The following COL5A2 variants were observed in gnomAD, a reference collection of about 807,000 sequenced individuals.
The protein encoded by COL5A2 is collagen type V alpha 2 chain, also known as collagen alpha-2(V) chain.
A neutral mutation model predicts 208.2 loss-of-function variants in COL5A2; 23 were observed. The observed-to-expected ratio is 0.11, with a 90% CI of 0.08 to 0.16. COL5A2 has a LOEUF of 0.16. COL5A2 is among the 10% of genes least tolerant of loss of function. The pLI, the probability that COL5A2 is intolerant of heterozygous loss-of-function variation, is 1.00. For missense variants in COL5A2, 1,590 were observed against 1,956.4 expected, an observed-to-expected ratio of 0.81 and a Z score of 3.53; for synonymous variants, 625 against 628.5, an observed-to-expected ratio of 0.99 and a Z score of 0.08.
chr2:189,085,284 A>G (rs1686631688), intron 10 of COL5A2, 71 bp from the exon 11 acceptor site: 1 of 1,185,948 alleles, frequency 8.4e-7, no homozygotes, highest in African/African-American at 1.5e-5. Flanking sequence ...AATTCAAAAC[A>G]TTATTGAGAC....
chr2:189,182,680 T>C (rs1363711218), upstream of COL5A2, among the ~76,000 whole-genome samples: 3 of 152,142 alleles, frequency 2.0e-5, no homozygotes, highest in Admixed American at 1.3e-4. Context: ...AAACAAATAA[T>C]AAAAATCAAA....
chr2:189,196,758 T>A (rs879712249), intron 1 of COL5A2, among the ~76,000 whole-genome samples: 2 of 152,088 alleles, frequency 1.3e-5, no homozygotes, highest in African/African-American at 4.8e-5. Flanking sequence ...TACCATCTCA[T>A]GACAGTCAGA....
intron 16 of COL5A2, among the ~76,000 whole-genome samples, chr2:189,075,713 T>C (rs1450931663): frequency 6.6e-6 from 1 of 152,192 alleles, no homozygotes; most frequent in Non-Finnish European, 1.5e-5. Flanking sequence ...ATGTATCATC[T>C]TCTAACATAT....
At chr2:189,315,025 C>A in the COL5A2 span, among the ~76,000 whole-genome samples, 2 of 152,128 alleles carry the variant, frequency 1.3e-5, no homozygotes, top group Admixed American at 1.3e-4. Context: ...AGTACCATTC[C>A]CTTTGCAACT....
intron 40 of COL5A2, among the ~76,000 whole-genome samples, chr2:189,052,528 T>C (rs942787648): frequency 1.3e-5 from 2 of 152,202 alleles, no homozygotes; most frequent in Non-Finnish European, 2.9e-5. Flanking sequence ...AGGTAGTATG[T>C]TACTTACATT....
the COL5A2 span, among the ~76,000 whole-genome samples, chr2:189,357,624 C>T: frequency 1.3e-5 from 2 of 152,152 alleles, no homozygotes; most frequent in Non-Finnish European, 2.9e-5. Flanking sequence ...GCAAGAATTT[C>T]AAGCCAGTGG....
intron 1 of COL5A2, among the ~76,000 whole-genome samples, chr2:189,125,252 A>T (rs1490728771): frequency 7.2e-5 from 11 of 152,198 alleles, no homozygotes. Flanking sequence ...GAATAAGGCC[A>T]TTCACAGTAT....
At chr2:189,341,239 A>G in the COL5A2 span, among the ~76,000 whole-genome samples, 1 of 152,174 alleles carries the variant, frequency 6.6e-6, no homozygotes, top group African/African-American at 2.4e-5. Flanking sequence ...ACTAACATGT[A>G]GAGTCACTAA....
At chr2:189,110,568 G>T in intron 1 of COL5A2, 119 bp from the exon 2 acceptor site, 4 of 784,524 alleles carry the variant, frequency 5.1e-6, no homozygotes, top group South Asian at 1.5e-5. Context: ...CTTCCAAGGA[G>T]CCAAACACAG....
Position 189,042,737 on chromosome 2 carries a change from C to T in COL5A2, c.3508G>A (p.Gly1170Arg). ...TTACTTACTCTTGGGCCAAATGGTC[C>T]AGGGATTCCAGCACTTCCTTGTTCA... ...NGEQGSAGIP[G>R]PFGPRGPPGP... Residue 1170 changes from glycine (G) to arginine (R), a missense_variant, in exon 49 of 54, where the codon GGA becomes AGA. Coordinates refer to ENST00000374866, the MANE Select transcript of COL5A2 (RefSeq NM_000393.5). The T allele has an allele frequency of 6.2e-7, 1 of 1,607,924 alleles. No individual in the cohort carries two copies. Among genetic ancestry groups the T allele is most frequent in the Non-Finnish European group, 8.5e-7 (1 of 1,176,498 alleles).
rs1164860745 is a variant in COL5A2 at position 189,039,798 on chromosome 2, G to A, written c.3634-235C>T. Among the ~76,000 whole-genome samples, 4 of 151,828 alleles carry A rather than the reference G, an allele frequency of 2.6e-5. No homozygotes were observed. In the East Asian group the frequency reaches 7.7e-4, roughly 29 times the overall value. On this transcript the variant is annotated intron_variant, in intron 50 of 53. Coordinates refer to ENST00000374866, the MANE Select transcript of COL5A2 (RefSeq NM_000393.5). ...AACATATCTTCAAGTCAGCATCCAA[G>A]ATAAATAAAGATCAAAGCACAAAAT... is the stretch of plus-strand genomic sequence containing the variant.
chr2:189,142,551 T>C (rs1304017803), intron 1 of COL5A2, among the ~76,000 whole-genome samples: 1 of 152,138 alleles, frequency 6.6e-6, no homozygotes, highest in Non-Finnish European at 1.5e-5. Context: ...CACTAAAGAA[T>C]ATAATTTAAA....
chr2:189,140,934 C>T (rs1687922987), intron 1 of COL5A2, among the ~76,000 whole-genome samples: 1 of 152,088 alleles, frequency 6.6e-6, no homozygotes. Flanking sequence ...GTTAATTAAC[C>T]TAGATTCAAA....
the COL5A2 span, among the ~76,000 whole-genome samples, chr2:189,388,223 T>C: frequency 2.2e-3 from 330 of 152,172 alleles, 1 homozygote; most frequent in African/African-American, 7.0e-3. Flanking sequence ...TACTGCTATA[T>C]GAAAATAAAG....
intron 1 of COL5A2, among the ~76,000 whole-genome samples, chr2:189,205,555 T>C (rs1319897985): frequency 6.6e-6 from 1 of 152,238 alleles, no homozygotes; most frequent in Admixed American, 6.5e-5. Flanking sequence ...TTGATTCTTA[T>C]GTTCATAACC....
chr2:189,392,473 C>A, the COL5A2 span, among the ~76,000 whole-genome samples: 71 of 152,268 alleles, frequency 4.7e-4, no homozygotes, highest in African/African-American at 1.7e-3. Context: ...TCAGAGTTTA[C>A]ATGTCCTTAC....
chr2:189,289,982 T>C, the COL5A2 span, among the ~76,000 whole-genome samples: 1 of 152,128 alleles, frequency 6.6e-6, no homozygotes, highest in Non-Finnish European at 1.5e-5. Flanking sequence ...CTAGAAATCC[T>C]AAAATTCATA....
At chr2:189,089,201 T>C (rs965892787) in intron 7 of COL5A2, among the ~76,000 whole-genome samples, 1 of 152,242 alleles carries the variant, frequency 6.6e-6, no homozygotes, top group Non-Finnish European at 1.5e-5. Context: ...CATTTTGGAC[T>C]GTTTTTGGAT....
intron 51 of COL5A2, among the ~76,000 whole-genome samples, chr2:189,037,254 A>G (rs919947943): frequency 6.6e-6 from 1 of 152,222 alleles, no homozygotes; most frequent in African/African-American, 2.4e-5. Context: ...TTAGAATGCT[A>G]TGAATCATTT....
Sources: gnomAD v4.1 joint callset for allele counts (sites outside exome capture counted in the v4.1 genomes callset) on GRCh38, gnomAD v4.1.1 for gene constraint, MANE v1.5 for transcripts, NCBI Gene and HGNC (gene_info 2026-07-23, HGNC 2026-07-21) for gene names.